The following ZNF638 variants were observed in gnomAD, a reference collection of about 807,000 sequenced individuals.
The protein encoded by ZNF638 is CTCL tumor antigen se33-1.
In ZNF638, 46 loss-of-function variants were observed where a neutral mutation model predicts 195.6. That is an observed-to-expected ratio of 0.24 (90% confidence interval 0.19 to 0.30). The LOEUF is 0.30. Among genes scored for constraint, ZNF638 ranks in the 10% least tolerant of loss-of-function variants. The pLI, the probability that ZNF638 is intolerant of heterozygous loss-of-function variation, is 1.00. For missense variants in ZNF638, 2,440 were observed against 2,325.3 expected (o/e 1.05, Z -1.01); for synonymous variants, 845 against 772.0 (o/e 1.09, Z -1.57).
In ZNF638 at chr2:71,331,829, C is replaced by T. The variant is rs552462625; in HGVS notation, c.-249C>T. On this transcript the variant is annotated 5_prime_UTR_variant, in exon 1 of 28. Transcript: ENST00000264447. Reference sequence around the variant, plus strand: ...TCGAGACTGGAGGCTGAGTGCTAAACTGTGTGGGGCGCGGATGGGATCCAG... The same window carrying T: ...TCGAGACTGGAGGCTGAGTGCTAAATTGTGTGGGGCGCGGATGGGATCCAG... 3 of 986,280 alleles carry T rather than the reference C, an allele frequency of 3.0e-6. No individual in the cohort carries two copies. Among genetic ancestry groups the T allele is most frequent in the South Asian group, 4.7e-5 (1 of 21,292 alleles). 61.1% of individuals were successfully genotyped at this position (986,280 alleles called of 1,614,324 possible).
At chr2:71,431,759 CAA>C (rs67530729) in intron 26 of ZNF638, among the ~76,000 whole-genome samples, 13 of 102,202 alleles carry the variant, frequency 1.3e-4, no homozygotes, top group South Asian at 8.8e-4. Context: ...GACTCCGTCT[CAA>C]AAAAAAAAAA....
intron 1 of ZNF638, chr2:71,348,379 T>C: frequency 5.1e-6 from 5 of 984,238 alleles, no homozygotes; most frequent in Non-Finnish European, 6.1e-6. Flanking sequence ...GCGTATTAAA[T>C]GTGTGCATTT....
chr2:71,337,015 T>C (rs1352939711), intron 1 of ZNF638, among the ~76,000 whole-genome samples: 15 of 152,126 alleles, frequency 9.9e-5, no homozygotes, highest in Non-Finnish European at 2.9e-5. Context: ...ATAGGCTGAC[T>C]AACAGTCAAT....
chr2:71,389,843 T>G (rs2079733644), intron 10 of ZNF638, among the ~76,000 whole-genome samples: 1 of 152,180 alleles, frequency 6.6e-6, no homozygotes, highest in Admixed American at 6.5e-5. Context: ...AGTTGGCTTA[T>G]GAAAATGCTA....
intron 23 of ZNF638, among the ~76,000 whole-genome samples, chr2:71,425,953 C>T (rs1237291341): frequency 6.6e-6 from 1 of 152,076 alleles, no homozygotes; most frequent in Admixed American, 6.5e-5. Flanking sequence ...CCACGCCCGG[C>T]CTGTATTTCT....
intron 21 of ZNF638, 25 bp from the exon 22 acceptor site, chr2:71,422,786 CTTT>C: frequency 6.3e-7 from 1 of 1,578,634 alleles, no homozygotes; most frequent in Non-Finnish European, 8.6e-7. Flanking sequence ...TGTTTGTGTT[CTTT>C]TTGTTTGTTT....
chr2:71,398,767 A>G lies in ZNF638; in HGVS notation c.2495A>G (p.Lys832Arg). ...VAVKGNKASI[K>R]TAKSGGKKSL... is the part of the protein sequence containing the mutation. ...GTTAAAGGTAATAAAGCTTCAATCAAAACAGGTAAGACTATTGGGGAGGAG... is the reference window on the plus strand; with the variant it reads ...GTTAAAGGTAATAAAGCTTCAATCAGAACAGGTAAGACTATTGGGGAGGAG... Residue 832 changes from lysine to arginine, a missense_variant, in exon 12 of 28, where the codon AAA (lysine) becomes AGA (arginine). Physicochemically the swap from Lys to Arg is conservative, Grantham distance 26. Transcript: ENST00000264447. 9 of 1,612,064 alleles carry G rather than the reference A, an allele frequency of 5.6e-6. No individual in the cohort carries two copies. Among genetic ancestry groups the G allele is most frequent in the Non-Finnish European group, 7.6e-6 (9 of 1,178,394 alleles).
chr2:71,427,865 C>T lies in ZNF638; in HGVS notation c.5545+451C>T, dbSNP rs114984427. On this transcript the variant is annotated intron_variant, in intron 24 of 27. Coordinates refer to ENST00000264447, the MANE Select transcript of ZNF638 (RefSeq NM_014497.5). Reference sequence around the variant, plus strand: ...CAGAATAGTACGGCAGCTCACTTTCCGAACTTGAGGGAGATAAACATAATT... The same window carrying T: ...CAGAATAGTACGGCAGCTCACTTTCTGAACTTGAGGGAGATAAACATAATT... Among the ~76,000 whole-genome samples the T allele has an allele frequency of 3.7e-3, 568 of 152,156 alleles. 6 individuals carry two copies. The highest frequency in any genetic ancestry group is 0.013 in the African/African-American group (529 of 41,480).
intron 23 of ZNF638, among the ~76,000 whole-genome samples, chr2:71,426,205 A>G (rs1280168366): frequency 1.3e-5 from 2 of 152,208 alleles, no homozygotes; most frequent in Non-Finnish European, 2.9e-5. Context: ...TAGGAAATGT[A>G]ATCTTATTGA....
At chr2:71,378,061 A>C (rs1297941824) in intron 8 of ZNF638, among the ~76,000 whole-genome samples, 1 of 152,226 alleles carries the variant, frequency 6.6e-6, no homozygotes, top group East Asian at 1.9e-4. Context: ...CATTAAAATG[A>C]AGATCTTAAG....
intron 10 of ZNF638, among the ~76,000 whole-genome samples, chr2:71,389,134 C>T (rs2079714461): frequency 6.6e-6 from 1 of 152,152 alleles, no homozygotes; most frequent in African/African-American, 2.4e-5. Flanking sequence ...CCTCTTCCCT[C>T]AGCCCTGCCA....
At chr2:71,341,978 C>A (rs1327452420) in intron 1 of ZNF638, 1 of 152,114 alleles carries the variant, frequency 6.6e-6, no homozygotes, top group Non-Finnish European at 1.5e-5. Context: ...TTACCAAGAT[C>A]ACTTTGCTTG....
chr2:71,429,876 A>C (rs1420237054), intron 25 of ZNF638, among the ~76,000 whole-genome samples: 1 of 152,174 alleles, frequency 6.6e-6, no homozygotes, highest in East Asian at 1.9e-4. Context: ...TCAAGTGGGT[A>C]TTCCTTCTTC....
chr2:71,335,380 GATT>G (rs2078648390), intron 1 of ZNF638, among the ~76,000 whole-genome samples: 1 of 151,970 alleles, frequency 6.6e-6, no homozygotes, highest in South Asian at 2.1e-4. Context: ...ATATATTTTG[GATT>G]ATTTTTTAAT....
intron 10 of ZNF638, chr2:71,388,619 C>T: frequency 1.2e-6 from 1 of 806,988 alleles, no homozygotes; most frequent in South Asian, 1.3e-5. Flanking sequence ...CGTCGCTCGG[C>T]CAGAGTCGGT....
chr2:71,390,290 A>G (rs1169561609), intron 10 of ZNF638, among the ~76,000 whole-genome samples: 1 of 152,196 alleles, frequency 6.6e-6, no homozygotes, highest in Non-Finnish European at 1.5e-5. Flanking sequence ...CCACTCTCTC[A>G]GAACAGCCAC....
At chr2:71,360,403 C>T (rs1162802754) in intron 3 of ZNF638, among the ~76,000 whole-genome samples, 2 of 152,278 alleles carry the variant, frequency 1.3e-5, no homozygotes, top group African/African-American at 4.8e-5. Flanking sequence ...TTCCACAGTT[C>T]CTTCTAATAT....
At chr2:71,383,669 G>T (rs1373999044) in intron 10 of ZNF638, among the ~76,000 whole-genome samples, 1 of 148,762 alleles carries the variant, frequency 6.7e-6, no homozygotes, top group Non-Finnish European at 1.5e-5. Context: ...GTGCCTCCCA[G>T]GTTCAAGTGA....
At chr2:71,417,250 C>A (rs2080316857) in intron 20 of ZNF638, among the ~76,000 whole-genome samples, 1 of 151,620 alleles carries the variant, frequency 6.6e-6, no homozygotes, top group South Asian at 2.1e-4. Context: ...CCAGGTGCGT[C>A]CGTCACCCCT....
Sources: gnomAD v4.1 joint callset for allele counts (sites outside exome capture counted in the v4.1 genomes callset) on GRCh38, gnomAD v4.1.1 for gene constraint, MANE v1.5 for transcripts, NCBI Gene and HGNC (gene_info 2026-07-23, HGNC 2026-07-21) for gene names.